The following OPA3 variants were observed in gnomAD, a reference collection of about 807,000 sequenced individuals.
OPA3 encodes the protein optic atrophy 3 protein.
In OPA3, 6 loss-of-function variants were observed where a neutral mutation model predicts 4.0. The ratio of observed to expected loss-of-function variants is 1.51; its 90% CI spans 0.83 to 2.99. The LOEUF is 2.99. Among genes scored for constraint, OPA3 ranks in the 30% most tolerant of loss-of-function variants. The pLI is 0.00. For missense variants in OPA3, 235 were observed against 256.2 expected, an observed-to-expected ratio of 0.92 and a Z score of 0.56; for synonymous variants, 105 against 117.1, an observed-to-expected ratio of 0.90 and a Z score of 0.67.
At chr19:45,536,246 TA>T (rs1205959269) in intron 1 of OPA3, among the ~76,000 whole-genome samples, 33 of 113,198 alleles carry the variant, frequency 2.9e-4, no homozygotes, top group Middle Eastern at 5.9e-3. Context: ...AAAAAAAAAT[TA>T]AAAAAAAAAA....
intron 1 of OPA3, among the ~76,000 whole-genome samples, chr19:45,530,735 A>C (rs1969050311): frequency 6.6e-6 from 1 of 151,878 alleles, no homozygotes; most frequent in South Asian, 2.1e-4. Flanking sequence ...CTAGGATTAC[A>C]AGCATGAGCC....
chr19:45,571,082 A>C (rs1269727636), intron 1 of OPA3, among the ~76,000 whole-genome samples: 1 of 151,512 alleles, frequency 6.6e-6, no homozygotes. Context: ...ATATAACCAT[A>C]CTATTATATG....
chr19:45,556,313 T>A (rs1011695589), intron 1 of OPA3, among the ~76,000 whole-genome samples: 7 of 151,846 alleles, frequency 4.6e-5, no homozygotes, highest in African/African-American at 1.7e-4. Context: ...CTGGCTAATT[T>A]TATTTTTTTT....
chr19:45,536,543 T>C (rs528923506), intron 1 of OPA3, among the ~76,000 whole-genome samples: 237 of 138,018 alleles, frequency 1.7e-3, no homozygotes, highest in African/African-American at 6.0e-3. Context: ...AGTGAAACTC[T>C]GTCTCAAAAA....
chr19:45,542,071 A>G (rs532829661), downstream of OPA3, among the ~76,000 whole-genome samples: 4 of 152,272 alleles, frequency 2.6e-5, no homozygotes, highest in Admixed American at 2.6e-4. Flanking sequence ...GCCAGGGACT[A>G]TAGTTAGGTG....
At chr19:45,566,688 C>A (rs981443349) in intron 1 of OPA3, among the ~76,000 whole-genome samples, 3 of 151,958 alleles carry the variant, frequency 2.0e-5, no homozygotes, top group East Asian at 1.9e-4. Context: ...GTTGGCCAGG[C>A]TGGTCTCAAT....
Position 45,550,043 on chromosome 19 carries a change from A to C in OPA3, c.*3471T>G, listed in dbSNP as rs1014481210. The C allele has an allele frequency of 2.1e-6, 1 of 475,598 alleles. No homozygotes were observed. Among genetic ancestry groups the C allele is most frequent in the Non-Finnish European group, 2.7e-6 (1 of 364,182 alleles). The allele number at this position is 475,598 out of a possible 1,614,324, so 29.5% of individuals were successfully genotyped here. On this transcript the variant is annotated 3_prime_UTR_variant, in exon 2 of 2. Transcript: ENST00000263275. The stretch of plus-strand genomic sequence containing the variant: ...GTGGGTGGTGGGCACATGTAATCCC[A>C]GCTACTTCGGAAGCTGAGGCAGGAT...
intron 1 of OPA3, among the ~76,000 whole-genome samples, chr19:45,582,515 G>A (rs1488105451): frequency 6.6e-6 from 1 of 151,900 alleles, no homozygotes. Flanking sequence ...TCGGTCTGTC[G>A]CCCAGGCTGG....
chr19:45,565,286 T>C (rs917600209), intron 1 of OPA3, among the ~76,000 whole-genome samples: 1 of 151,632 alleles, frequency 6.6e-6, no homozygotes, highest in Non-Finnish European at 1.5e-5. Flanking sequence ...TGCATTATCA[T>C]GCAATTTCTA....
Position 45,553,555 on chromosome 19 carries a change from C to T in OPA3, c.499G>A (p.Gly167Ser). 1 of 1,613,326 alleles carries T rather than the reference C, an allele frequency of 6.2e-7. No homozygotes were observed. Among genetic ancestry groups the T allele is most frequent in the Non-Finnish European group, 8.5e-7 (1 of 1,179,986 alleles). ...GGCACTGCGTGGGAAGCGGACCGGC[C>T]GGGATTGCAGAGCTGGGCGCGCACC... ...QEVRAQLCNP[G>S]RSASHAVPAS... The change falls in exon 2 of 2, where the codon GGC becomes AGC. Residue 167 changes from glycine to serine, a missense_variant. Physicochemically the swap from Gly to Ser is moderately conservative, Grantham distance 56 (BLOSUM62 0). Transcript: ENST00000263275.
intron 1 of OPA3, among the ~76,000 whole-genome samples, chr19:45,576,532 C>A (rs1480198375): frequency 1.4e-5 from 1 of 72,218 alleles, no homozygotes; most frequent in African/African-American, 4.1e-5. Flanking sequence ...GAATGAAACT[C>A]CATCCCCCCC....
downstream of OPA3, among the ~76,000 whole-genome samples, chr19:45,545,169 A>G (rs1399365534): frequency 4.1e-4 from 59 of 144,592 alleles, no homozygotes; most frequent in Non-Finnish European, 7.5e-4. Flanking sequence ...CGTCTCAAAA[A>G]AAAAAAAAAC....
chr19:45,550,170 GA>G lies in OPA3; in HGVS notation c.*3343del. 2.0e-6 allele frequency: 2 copies of G among 977,906 alleles called. No individual in the cohort carries two copies. Among genetic ancestry groups the G allele is most frequent in the Non-Finnish European group, 2.4e-6 (2 of 823,288 alleles). 60.6% of individuals were successfully genotyped at this position (977,906 alleles called of 1,614,324 possible). ...AGACTGTCTCCGAAAGAAAAGAAAA[GA>G]AAAAAGAAGAGAAAAGAAGAAAAGA... On this transcript the variant is annotated 3_prime_UTR_variant, in exon 2 of 2. Coordinates refer to ENST00000263275, the MANE Select transcript of OPA3 (RefSeq NM_025136.4).
chr19:45,553,170 G>C lies in OPA3; in HGVS notation c.*344C>G. ...GGTTAACACTGATCAGGTAAACCGG[G>C]GGTGGGGGTAACAATAACACATTGA... On this transcript the variant is annotated 3_prime_UTR_variant, in exon 2 of 2. Coordinates refer to ENST00000263275, the MANE Select transcript of OPA3 (RefSeq NM_025136.4). 3.1e-6 allele frequency: 4 copies of C among 1,282,442 alleles called. No individual in the cohort carries two copies. The highest frequency in any genetic ancestry group is 4.0e-6 in the Non-Finnish European group (4 of 1,005,678). The allele number at this position is 1,282,442 out of a possible 1,614,324, so 79.4% of individuals were successfully genotyped here. A position where few individuals can be genotyped will look rare whatever the true frequency, so the allele number is the denominator to read the frequency against.
intron 1 of OPA3, among the ~76,000 whole-genome samples, chr19:45,530,573 T>A (rs1050907679): frequency 6.6e-6 from 1 of 151,770 alleles, no homozygotes; most frequent in African/African-American, 2.4e-5. Flanking sequence ...GCAGTGACAC[T>A]ATCTCAGCTC....
rs1969253249 is a variant in OPA3, at chr19:45,546,636, CA to C, written c.*6877del. The C allele has an allele frequency of 6.5e-6, 1 of 153,562 alleles. No homozygotes were observed. The highest frequency in any genetic ancestry group is 6.6e-5 in the Admixed American group (1 of 15,226). 9.5% of individuals were successfully genotyped at this position (153,562 alleles called of 1,614,324 possible). A position where few individuals can be genotyped will look rare whatever the true frequency, so the allele number is the denominator to read the frequency against. On this transcript the variant is annotated 3_prime_UTR_variant, in exon 2 of 2. Transcript: ENST00000263275. The stretch of plus-strand genomic sequence containing the variant: ...TCAGCCCCCCAAGTAGCTGGGACTA[CA>C]GGTGTGTGCCACCATGCCTGGCTAA...
chr19:45,568,872 TGCCCTGGGGTCACTAG>T (rs1171791134), intron 1 of OPA3, among the ~76,000 whole-genome samples: 3 of 152,126 alleles, frequency 2.0e-5, no homozygotes, highest in African/African-American at 4.8e-5. Context: ...CACCCCTCTG[TGCCCTGGGGTCACTAG>T]GCAGGTAACT....
At chr19:45,567,339 CAAA>C (rs749982867) in intron 1 of OPA3, among the ~76,000 whole-genome samples, 16 of 60,604 alleles carry the variant, frequency 2.6e-4, no homozygotes, top group Admixed American at 5.8e-4. Context: ...GACCCTGTGT[CAAA>C]AAAAAAAAAA....
chr19:45,582,986 G>A (rs1378190643), intron 1 of OPA3, among the ~76,000 whole-genome samples: 3 of 152,194 alleles, frequency 2.0e-5, no homozygotes, highest in African/African-American at 7.2e-5. Flanking sequence ...CTTTGCCCAG[G>A]AATGAACAAG....
Sources: gnomAD v4.1 joint callset for allele counts (sites outside exome capture counted in the v4.1 genomes callset) on GRCh38, gnomAD v4.1.1 for gene constraint, MANE v1.5 for transcripts, NCBI Gene and HGNC (gene_info 2026-07-23, HGNC 2026-07-21) for gene names.